Variants in MTHFD1L observed in about 807,000 individuals in gnomAD.
MTHFD1L encodes methylenetetrahydrofolate dehydrogenase (NADP+ dependent) 1 like.
Under a neutral mutation model 119.5 loss-of-function variants are expected in MTHFD1L, and 81 were observed. The ratio of observed to expected loss-of-function variants is 0.68; its 90% CI spans 0.57 to 0.82. MTHFD1L has a LOEUF of 0.82. Among genes scored for constraint, MTHFD1L ranks in the 40% least tolerant of loss-of-function variants. The pLI, the probability that MTHFD1L is intolerant of heterozygous loss-of-function variation, is 0.00. For synonymous variants in MTHFD1L, 430 were observed against 475.2 expected (o/e 0.90, Z 1.24); for missense variants, 1,125 against 1,253.4 (o/e 0.90, Z 1.55).
intron 8 of MTHFD1L, among the ~76,000 whole-genome samples, chr6:150,915,702 G>A (rs1047680738): frequency 6.6e-6 from 1 of 152,146 alleles, no homozygotes; most frequent in African/African-American, 2.4e-5. Flanking sequence ...CCGAGGTCAA[G>A]CAATTCGCTG....
At position 150,960,411 on chromosome 6, in the gene MTHFD1L, A is replaced by T. The variant is rs1796265050; in HGVS notation, c.1940A>T (p.Asp647Val). 1 of 1,607,678 alleles carries T rather than the reference A, an allele frequency of 6.2e-7. No homozygotes were observed. Among genetic ancestry groups the T allele is most frequent in the Admixed American group, 1.7e-5 (1 of 58,784 alleles). Residue 647 changes from aspartate (D) to valine (V), a missense_variant, in exon 18 of 28, where the codon GAT becomes GTT. Asp to Val is a radical substitution (Grantham distance 152, BLOSUM62 -3). Around this residue, in one of 3 missense-constraint regions of MTHFD1L, gnomAD observed 1,058 missense variants for 1,151.2 expected, o/e 0.92. Coordinates refer to ENST00000367321, the MANE Select transcript of MTHFD1L (RefSeq NM_015440.5). ...DKSGQPVTAD[D>V]LGVTGALTVL... ...AGCGGGCAGCCTGTGACAGCAGATGATTTGGTGAGTGTTTCCAACTCGGAA... is the reference window on the plus strand; with the variant it reads ...AGCGGGCAGCCTGTGACAGCAGATGTTTTGGTGAGTGTTTCCAACTCGGAA...
chr6:151,036,856 C>G (rs113459068), intron 25 of MTHFD1L, 109 bp from the exon 26 acceptor site: 2 of 1,181,226 alleles, frequency 1.7e-6, no homozygotes, highest in Non-Finnish European at 2.5e-6. Context: ...GCGTGTGCCT[C>G]GATCTGAGCC....
intron 16 of MTHFD1L, among the ~76,000 whole-genome samples, chr6:150,951,132 G>T (rs1201682537): frequency 6.6e-6 from 1 of 150,844 alleles, no homozygotes; most frequent in African/African-American, 2.4e-5. Context: ...TGCCTCCCAG[G>T]CTCAAGCAAT....
At chr6:150,941,367 G>C (rs1169987817) in intron 13 of MTHFD1L, among the ~76,000 whole-genome samples, 2 of 152,306 alleles carry the variant, frequency 1.3e-5, no homozygotes, top group East Asian at 3.9e-4. Context: ...CAAGAACCTG[G>C]ATTTTATTTG....
chr6:150,877,053 A>AT (rs1279214360), intron 2 of MTHFD1L, among the ~76,000 whole-genome samples: 1 of 151,904 alleles, frequency 6.6e-6, no homozygotes, highest in Non-Finnish European at 1.5e-5. Context: ...TGGTATCCCC[A>AT]TTTTTTGGCT....
intron 21 of MTHFD1L, among the ~76,000 whole-genome samples, chr6:151,012,983 T>A (rs906089286): frequency 6.6e-6 from 1 of 152,244 alleles, no homozygotes; most frequent in Non-Finnish European, 1.5e-5. Context: ...CAGAGGCTGC[T>A]GATTTCCATA....
At chr6:150,931,983 G>A (rs1377006184) in intron 11 of MTHFD1L, among the ~76,000 whole-genome samples, 1 of 151,872 alleles carries the variant, frequency 6.6e-6, no homozygotes, top group Non-Finnish European at 1.5e-5. Context: ...CCAACATGGT[G>A]AAACCCTGTT....
intron 24 of MTHFD1L, among the ~76,000 whole-genome samples, chr6:151,022,722 G>T (rs1396039555): frequency 1.3e-5 from 2 of 152,128 alleles, no homozygotes; most frequent in East Asian, 3.9e-4. Flanking sequence ...TGAGTCAGTA[G>T]CCCTTTCTTC....
intron 20 of MTHFD1L, among the ~76,000 whole-genome samples, chr6:150,993,107 T>C (rs1779272386): frequency 6.6e-6 from 1 of 152,242 alleles, no homozygotes; most frequent in Non-Finnish European, 1.5e-5. Flanking sequence ...TAGTCCCTTT[T>C]TCTTTGTTTG....
intron 18 of MTHFD1L, among the ~76,000 whole-genome samples, chr6:150,963,334 A>G (rs1335364913): frequency 7.8e-6 from 1 of 127,662 alleles, no homozygotes; most frequent in Non-Finnish European, 1.6e-5. Context: ...ATAGTTAGTA[A>G]TAGTGTATTC....
chr6:151,022,261 A>G (rs1034825609), intron 24 of MTHFD1L: 2 of 322,808 alleles, frequency 6.2e-6, no homozygotes, highest in Non-Finnish European at 1.2e-5. Context: ...TGAAAATGCC[A>G]GCTGGAACCT....
At chr6:151,038,330 G>T (rs1479896761) in intron 26 of MTHFD1L, among the ~76,000 whole-genome samples, 2 of 152,178 alleles carry the variant, frequency 1.3e-5, no homozygotes, top group East Asian at 3.9e-4. Flanking sequence ...TGGCAAAACA[G>T]TGAGTTTTGA....
At chr6:151,073,913 A>G (rs1792225865) in intron 26 of MTHFD1L, among the ~76,000 whole-genome samples, 1 of 152,206 alleles carries the variant, frequency 6.6e-6, no homozygotes, top group African/African-American at 2.4e-5. Context: ...TGAAGAAATA[A>G]TGGGCAAAAC....
At chr6:150,939,165 G>A (rs1003670632) in intron 13 of MTHFD1L, 2 of 190,398 alleles carry the variant, frequency 1.1e-5, no homozygotes, top group Non-Finnish European at 2.2e-5. Flanking sequence ...TTGATCATCT[G>A]CTGTACTGCC....
chr6:151,070,741 C>G (rs189630077), intron 26 of MTHFD1L, among the ~76,000 whole-genome samples: 106 of 152,322 alleles, frequency 7.0e-4, no homozygotes, highest in African/African-American at 2.5e-3. Flanking sequence ...CTGTGTGGGT[C>G]TTAGTTTGCC....
chr6:150,898,420 G>A (rs1784591927), intron 7 of MTHFD1L, among the ~76,000 whole-genome samples: 1 of 152,198 alleles, frequency 6.6e-6, no homozygotes, highest in African/African-American at 2.4e-5. Context: ...GGCAGCGGAA[G>A]CCTGGAGAGT....
rs188948003 is a variant in MTHFD1L at position 150,937,376 on chromosome 6, C to T, written c.1393+436C>T. Among the ~76,000 whole-genome samples, 26 of 152,308 alleles carry T rather than the reference C, an allele frequency of 1.7e-4. No individual in the cohort carries two copies. The East Asian group carries it at 4.6e-3, about 27-fold the overall frequency. On this transcript the variant is annotated intron_variant, in intron 12 of 27. Transcript: ENST00000367321. ...TCTCTGGAGACGGACTGGCTGTGGACAGCGAGTCGTGATGAAATTCCTCCT... is the reference window on the plus strand; with the variant it reads ...TCTCTGGAGACGGACTGGCTGTGGATAGCGAGTCGTGATGAAATTCCTCCT...
At chr6:151,071,710 TA>T (rs1791962210) in intron 26 of MTHFD1L, among the ~76,000 whole-genome samples, 1 of 152,216 alleles carries the variant, frequency 6.6e-6, no homozygotes, top group Non-Finnish European at 1.5e-5. Flanking sequence ...CCTCTTTTTT[TA>T]TTATTATTGT....
chr6:150,937,089 C>A (rs370789709), intron 12 of MTHFD1L, 149 bp downstream of exon 12: 14 of 987,688 alleles, frequency 1.4e-5, no homozygotes, highest in African/African-American at 8.2e-5. Context: ...GTGGTCGCCC[C>A]ATGTTGGTTC....
Sources: gnomAD v4.1 joint callset for allele counts (sites outside exome capture counted in the v4.1 genomes callset) on GRCh38, gnomAD v4.1.1 for gene constraint, gnomAD v4.1.1 regional missense constraint, MANE v1.5 for transcripts, NCBI Gene and HGNC (gene_info 2026-07-23, HGNC 2026-07-21) for gene names.